NRP2: variants seen among roughly 807,000 people sequenced by gnomAD.
NRP2 encodes neuropilin 2.
Under a neutral mutation model 110.4 loss-of-function variants are expected in NRP2, and 52 were observed. The ratio of observed to expected loss-of-function variants is 0.47; its 90% CI spans 0.38 to 0.59. NRP2 has a LOEUF of 0.59. NRP2 is among the 20% of genes least tolerant of loss of function. The pLI, the probability that NRP2 is intolerant of heterozygous loss-of-function variation, is 0.00. For missense variants in NRP2, 1,049 were observed against 1,203.0 expected (o/e 0.87, Z 1.89); for synonymous variants, 508 against 468.9 (o/e 1.08, Z -1.08).
intron 11 of NRP2, among the ~76,000 whole-genome samples, chr2:205,751,286 C>T (rs369822368): frequency 7.9e-5 from 12 of 152,088 alleles, no homozygotes; most frequent in African/African-American, 2.6e-4. Flanking sequence ...TTTCCCGTTT[C>T]TAGTGGTTTG....
In NRP2 at chr2:205,718,395, A is replaced by G. The variant is rs554148120; in HGVS notation, c.433+2021A>G. Among the ~76,000 whole-genome samples the G allele has an allele frequency of 6.6e-5, 10 of 152,362 alleles. No homozygotes were observed. In the South Asian group the frequency reaches 1.7e-3, roughly 25 times the overall value. ...CTGAAGCAGGATTTCAAATGAAGCAACAAGTCTGTGAACTGCCTAGAAACA... is the reference window on the plus strand; with the variant it reads ...CTGAAGCAGGATTTCAAATGAAGCAGCAAGTCTGTGAACTGCCTAGAAACA... On this transcript the variant is annotated intron_variant, in intron 3 of 16. Transcript: ENST00000357785.
intron 1 of NRP2, among the ~76,000 whole-genome samples, 192 bp downstream of exon 1, chr2:205,683,555 A>T (rs1259761173): frequency 6.7e-6 from 1 of 150,022 alleles, no homozygotes; most frequent in African/African-American, 2.4e-5. Flanking sequence ...TCCTGCTAGG[A>T]GTGTGTGTGT....
chr2:205,732,001 G>A (rs1451783940), intron 7 of NRP2, among the ~76,000 whole-genome samples: 1 of 152,182 alleles, frequency 6.6e-6, no homozygotes, highest in African/African-American at 2.4e-5. Context: ...CTGCATGGAC[G>A]GCGCCTGGTC....
In NRP2 at chr2:205,726,069, A is replaced by G; in HGVS notation, c.977A>G (p.Lys326Arg). 1 of 1,614,236 alleles carries G rather than the reference A, an allele frequency of 6.2e-7. No homozygotes were observed. Among genetic ancestry groups the G allele is most frequent in the Non-Finnish European group, 8.5e-7 (1 of 1,180,042 alleles). The part of the protein sequence containing the change: ...NGWTPNLDSN[K>R]EYLQVDLRFL... ...TGGACCCCCAACTTGGATTCCAACA[A>G]GGAGTATCTCCAGGTACTTGTGCAG... Residue 326 changes from lysine to arginine, a missense_variant, in exon 6 of 17, where the codon AAG becomes AGG. Lys to Arg is a conservative substitution (Grantham distance 26). Transcript: ENST00000357785.
At chr2:205,737,215 C>T (rs1295470468) in intron 7 of NRP2, among the ~76,000 whole-genome samples, 1 of 152,208 alleles carries the variant, frequency 6.6e-6, no homozygotes, top group African/African-American at 2.4e-5. Context: ...GGGCACTATT[C>T]AAAGTGTATA....
At chr2:205,685,586 C>A (rs2056132488) in intron 1 of NRP2, among the ~76,000 whole-genome samples, 2 of 152,298 alleles carry the variant, frequency 1.3e-5, no homozygotes, top group African/African-American at 2.4e-5. Flanking sequence ...CTTGGGCTGG[C>A]GCGTGGCTGG....
chr2:205,794,839 G>A lies in NRP2; in HGVS notation c.2562G>A (p.Leu854=), dbSNP rs2058337602. Residue 854 remains leucine, a synonymous_variant, in exon 17 of 17, where the codon CTG becomes CTA. Coordinates refer to ENST00000357785, the MANE Select transcript of NRP2 (RefSeq NM_003872.3). ...CGACCGACAAAGAAAAGAGCTGGCT[G>A]TACACCCTGGATCCCATCCTCATCA... The part of the protein sequence containing the change: ...APSTDKEKSW[L]YTLDPILITI... The A allele has an allele frequency of 1.9e-6, 3 of 1,614,182 alleles. No individual in the cohort carries two copies. The South Asian group carries it at 3.3e-5, about 18-fold the overall frequency.
Position 205,763,620 on chromosome 2 carries a change from G to A in NRP2, c.2045-54G>A. 6.2e-7 allele frequency: 1 copy of A among 1,610,440 alleles called. No homozygotes were observed. The highest frequency in any genetic ancestry group is 1.1e-5 in the South Asian group (1 of 90,890). On this transcript the variant is annotated intron_variant, in intron 12 of 16. Transcript: ENST00000357785. This position sits in a 1 kb window ranked among gnomAD's most constrained non-coding sequence, Gnocchi z 4.0. ...CTTGGAGAGGCCACAGCAGCACACT[G>A]GTGTCTTTCCCGAGTGTTTATGGAG...
At chr2:205,792,117 G>T (rs148398346) in intron 15 of NRP2, 118 bp from the exon 16 acceptor site, 1 of 734,614 alleles carries the variant, frequency 1.4e-6, no homozygotes. Flanking sequence ...AGAAGTAGAG[G>T]TGATTCTCTA....
intron 15 of NRP2, chr2:205,777,959 T>G (rs2058125016): frequency 1.3e-5 from 2 of 152,228 alleles, no homozygotes; most frequent in Non-Finnish European, 2.9e-5. Context: ...TGCTCATGTG[T>G]CTTCTCTAAG....
rs1382015851 is a variant in NRP2, at chr2:205,722,609, C to T, written c.565C>T (p.Leu189=). The T allele has an allele frequency of 6.2e-7, 1 of 1,614,194 alleles. No individual in the cohort carries two copies. The highest frequency in any genetic ancestry group is 1.1e-5 in the South Asian group (1 of 91,086). The change falls in exon 4 of 17, where the codon CTG becomes TTG. Residue 189 remains leucine (L), a synonymous_variant. Coordinates refer to ENST00000357785, the MANE Select transcript of NRP2 (RefSeq NM_003872.3). ...GGCCAAACCCAAGATGGAGATCATC[C>T]TGCAGTTCCTGATCTTTGACCTGGA... is the stretch of plus-strand genomic sequence containing the variant. ...ILAKPKMEII[L]QFLIFDLEHD...
chr2:205,797,618 C>T lies in NRP2; in HGVS notation c.*2560C>T, dbSNP rs957752106. ...ACACCAAGGCTGGAGGCTGGTCTGT[C>T]ATAAGACAGAAAGAAAGACGCTGGG... On this transcript the variant is annotated 3_prime_UTR_variant, in exon 17 of 17. Coordinates refer to ENST00000357785, the MANE Select transcript of NRP2 (RefSeq NM_003872.3). 6.6e-5 allele frequency: 10 copies of T among 152,620 alleles called. No individual in the cohort carries two copies. Among genetic ancestry groups the T allele is most frequent in the Non-Finnish European group, 1.5e-4 (10 of 68,064 alleles). 9.5% of individuals were successfully genotyped at this position (152,620 alleles called of 1,614,324 possible).
intron 12 of NRP2, chr2:205,756,620 A>G (rs1194350798): frequency 6.6e-6 from 1 of 152,248 alleles, no homozygotes. Flanking sequence ...GTCACTGTAT[A>G]CACGGCATCA....
At chr2:205,697,840 G>A in intron 2 of NRP2, 119 bp downstream of exon 2, 1 of 1,029,608 alleles carries the variant, frequency 9.7e-7, no homozygotes, top group Non-Finnish European at 1.5e-6. Context: ...AACCAGTGGT[G>A]GATCCTGGCC....
chr2:205,703,533 A>C (rs2056606043), intron 2 of NRP2, among the ~76,000 whole-genome samples: 1 of 152,190 alleles, frequency 6.6e-6, no homozygotes, highest in Non-Finnish European at 1.5e-5. Flanking sequence ...CCTAGTTTTC[A>C]ATCTCTGCTT....
At chr2:205,719,880 T>G (rs1340449500) in intron 3 of NRP2, among the ~76,000 whole-genome samples, 1 of 152,240 alleles carries the variant, frequency 6.6e-6, no homozygotes, top group African/African-American at 2.4e-5. Flanking sequence ...AATCATTCGC[T>G]GCAACCCAAA....
chr2:205,716,281 A>G lies in NRP2; in HGVS notation c.340A>G (p.Ile114Val). Residue 114 changes from isoleucine to valine, a missense_variant, in exon 3 of 17, where the codon ATC (isoleucine) becomes GTC (valine). Physicochemically the swap from Ile to Val is conservative, Grantham distance 29. Coordinates refer to ENST00000357785, the MANE Select transcript of NRP2 (RefSeq NM_003872.3). ...HCGNIAPPTI[I>V]SSGSMLYIKF... ...TGGGAACATCGCCCCGCCCACCATC[A>G]TCTCCTCGGGCTCCATGCTCTACAT... 1 of 1,614,130 alleles carries G rather than the reference A, an allele frequency of 6.2e-7. No homozygotes were observed. The highest frequency in any genetic ancestry group is 8.5e-7 in the Non-Finnish European group (1 of 1,180,012).
At chr2:205,721,758 T>C (rs1351114668) in intron 3 of NRP2, among the ~76,000 whole-genome samples, 2 of 152,222 alleles carry the variant, frequency 1.3e-5, no homozygotes, top group Non-Finnish European at 2.9e-5. Context: ...CAAATGTCAA[T>C]GCACTGCTGC....
chr2:205,743,499 C>G lies in NRP2; in HGVS notation c.1588C>G (p.Leu530Val). 6.2e-7 allele frequency: 1 copy of G among 1,614,216 alleles called. No individual in the cohort carries two copies. Among genetic ancestry groups the G allele is most frequent in the South Asian group, 1.1e-5 (1 of 91,080 alleles). The change falls in exon 9 of 17, where the codon CTA (leucine) becomes GTA (valine). Residue 530 changes from leucine to valine, a missense_variant. Transcript: ENST00000357785. ...GCGCAAGTTCAAAGTCTCCTACAGC[C>G]TAAACGGCAAGGACTGGGAATACAT... ...FVRKFKVSYSLNGKDWEYIQD... is the reference protein window; with the variant it reads ...FVRKFKVSYSVNGKDWEYIQD...
Sources: gnomAD v4.1 joint callset for allele counts (sites outside exome capture counted in the v4.1 genomes callset) on GRCh38, gnomAD v4.1.1 for gene constraint, Gnocchi (gnomAD v3.1) non-coding constraint, MANE v1.5 for transcripts, NCBI Gene and HGNC (gene_info 2026-07-23, HGNC 2026-07-21) for gene names.